Variants in DBX2 observed in about 807,000 individuals in gnomAD.
The protein encoded by DBX2 is homeobox protein DBX2.
Under a neutral mutation model 17.7 loss-of-function variants are expected in DBX2, and 16 were observed. The ratio of observed to expected loss-of-function variants is 0.90; its 90% CI spans 0.61 to 1.37. DBX2 has a LOEUF of 1.37. Ranked by LOEUF, DBX2 falls within the 40% of genes most tolerant of loss-of-function variation. The pLI, the probability that DBX2 is intolerant of heterozygous loss-of-function variation, is 0.00. For synonymous variants in DBX2, 255 were observed against 183.8 expected, an observed-to-expected ratio of 1.39 and a Z score of -3.13; for missense variants, 538 against 433.8, an observed-to-expected ratio of 1.24 and a Z score of -2.13.
At chr12:45,040,167 T>G (rs1055929496) in intron 1 of DBX2, among the ~76,000 whole-genome samples, 2 of 152,090 alleles carry the variant, frequency 1.3e-5, no homozygotes, top group Non-Finnish European at 2.9e-5. Context: ...CCAGTGCAGA[T>G]AGAATATAAA....
chr12:45,026,054 T>A (rs1946379760), intron 2 of DBX2, among the ~76,000 whole-genome samples: 1 of 152,042 alleles, frequency 6.6e-6, no homozygotes. Context: ...AGAATTCTGA[T>A]TTAGTTGTCC....
chr12:45,033,807 ATATT>A (rs1212868725), intron 2 of DBX2, among the ~76,000 whole-genome samples: 1 of 152,192 alleles, frequency 6.6e-6, no homozygotes, highest in East Asian at 1.9e-4. Flanking sequence ...TTCAGCTTCT[ATATT>A]TATTTTTAAG....
intron 3 of DBX2, 83 bp downstream of exon 3, chr12:45,023,624 C>T (rs796987178): frequency 3.5e-5 from 53 of 1,518,648 alleles, no homozygotes; most frequent in South Asian, 7.3e-5. Flanking sequence ...CAGTTGCCTA[C>T]GGCCCACCAC....
chr12:45,050,480 TG>T (rs1167161235), intron 1 of DBX2, 44 bp downstream of exon 1: 2 of 1,541,238 alleles, frequency 1.3e-6, no homozygotes, highest in Admixed American at 4.0e-5. Context: ...CCACCCGGCC[TG>T]GGGGCGCGGG....
chr12:45,023,845 A>T lies in DBX2; in HGVS notation c.549T>A (p.Ala183=), dbSNP rs1347704185. ...CAGCTCTTCTTAAAATGCCCCTCCG[A>T]GCTTTGGAATTAGAGTCCTGTGTCA... ...PLLTQDSNSK[A]RRGILRRAVF... Residue 183 remains alanine, a synonymous_variant, in exon 3 of 4, where the codon GCT becomes GCA. Transcript: ENST00000332700. 1.2e-6 allele frequency: 2 copies of T among 1,603,186 alleles called. No homozygotes were observed. The highest frequency in any genetic ancestry group is 2.7e-5 in the African/African-American group (2 of 74,270).
In DBX2 at chr12:45,050,592, C is replaced by T; in HGVS notation, c.336G>A (p.Ala112=). The stretch of plus-strand genomic sequence containing the variant: ...CCCGGCCCGGCAGCCTCGCACTGTC[C>T]GCAGAGGGACTGAGCACTTGAAAAG... ...RWAFQVLSPS[A]DSARLPGRAP... The change falls in exon 1 of 4, where the codon GCG becomes GCA. Residue 112 remains alanine, a synonymous_variant. Coordinates refer to ENST00000332700, the MANE Select transcript of DBX2 (RefSeq NM_001004329.3). 2 of 1,551,716 alleles carry T rather than the reference C, an allele frequency of 1.3e-6. No homozygotes were observed. Among genetic ancestry groups the T allele is most frequent in the Non-Finnish European group, 8.7e-7 (1 of 1,148,072 alleles).
Position 45,016,544 on chromosome 12 carries a change from A to G in DBX2, c.762T>C (p.Cys254=), listed in dbSNP as rs1442067010. ...CCTCTTGAAGACCTACTTCTTGGAT[A>G]CACCTGTTGGAAAGCACTTCCTTTT... ...SKEKEVLSNR[C]IQEVGLQEDP... is the part of the protein sequence containing the mutation. The change falls in exon 4 of 4, where the codon TGT becomes TGC. Residue 254 remains cysteine, a synonymous_variant. Coordinates refer to ENST00000332700, the MANE Select transcript of DBX2 (RefSeq NM_001004329.3). 6.3e-7 allele frequency: 1 copy of G among 1,594,922 alleles called. No homozygotes were observed. Among genetic ancestry groups the G allele is most frequent in the Non-Finnish European group, 8.5e-7 (1 of 1,173,040 alleles).
At chr12:45,048,399 CT>C (rs1458235547) in intron 1 of DBX2, among the ~76,000 whole-genome samples, 1 of 152,144 alleles carries the variant, frequency 6.6e-6, no homozygotes, top group African/African-American at 2.4e-5. Flanking sequence ...ATGGTATTAT[CT>C]TCCCGAAAAC....
chr12:45,044,869 A>T (rs1278498301), intron 1 of DBX2, among the ~76,000 whole-genome samples: 1 of 152,122 alleles, frequency 6.6e-6, no homozygotes, highest in Non-Finnish European at 1.5e-5. Flanking sequence ...AGAGTGATGG[A>T]TCACTCAGCA....
intron 1 of DBX2, among the ~76,000 whole-genome samples, chr12:45,045,409 T>A (rs772105749): frequency 6.6e-6 from 1 of 152,370 alleles, no homozygotes; most frequent in East Asian, 1.9e-4. Flanking sequence ...TTCATTTTTG[T>A]ATAAACTTTC....
At chr12:45,034,326 C>A (rs150278445) in intron 2 of DBX2, among the ~76,000 whole-genome samples, 1 of 152,072 alleles carries the variant, frequency 6.6e-6, no homozygotes, top group Non-Finnish European at 1.5e-5. Context: ...AATTCCACAG[C>A]GATGCCATCA....
intron 2 of DBX2, among the ~76,000 whole-genome samples, chr12:45,033,474 A>G (rs1946420321): frequency 6.6e-6 from 1 of 152,224 alleles, no homozygotes; most frequent in Admixed American, 6.5e-5. Context: ...GGAGAAAAAA[A>G]GAAAATCTAG....
chr12:45,050,723 C>T lies in DBX2; in HGVS notation c.205G>A (p.Ala69Thr). Residue 69 changes from alanine to threonine, a missense_variant, in exon 1 of 4, where the codon GCG (alanine) becomes ACG (threonine). Ala to Thr is a moderately conservative substitution (Grantham distance 58). Transcript: ENST00000332700. ...PHDPATALAT[A>T]GAQLRPLPAS... ...GGCAGGGGCCGGAGCTGCGCGCCCG[C>T]GGTGGCCAGGGCGGTCGCCGGGTCG... 1 of 1,490,490 alleles carries T rather than the reference C, an allele frequency of 6.7e-7. No individual in the cohort carries two copies. Among genetic ancestry groups the T allele is most frequent in the Non-Finnish European group, 8.9e-7 (1 of 1,123,208 alleles). 92.3% of individuals were successfully genotyped at this position (1,490,490 alleles called of 1,614,324 possible).
chr12:45,032,838 T>C (rs1245322355), intron 2 of DBX2, among the ~76,000 whole-genome samples: 2 of 152,234 alleles, frequency 1.3e-5, no homozygotes, highest in Admixed American at 1.3e-4. Context: ...ATTAATTCAA[T>C]CAGCTAGTTT....
rs1156634037 is a variant in DBX2, at chr12:45,015,638, T to C, written c.*648A>G. ...GAGACTTGGAGATTAAGGATACTAA[T>C]AGTTATATACAGAAATTCTTCTAAT... On this transcript the variant is annotated 3_prime_UTR_variant, in exon 4 of 4. Transcript: ENST00000332700. The C allele has an allele frequency of 6.6e-5, 10 of 152,184 alleles. No individual in the cohort carries two copies. Among genetic ancestry groups the C allele is most frequent in the Admixed American group, 6.5e-4 (10 of 15,276 alleles). 9.4% of individuals were successfully genotyped at this position (152,184 alleles called of 1,614,324 possible). A position where few individuals can be genotyped will look rare whatever the true frequency, so the allele number is the denominator to read the frequency against.
At chr12:45,044,374 A>C (rs972575765) in intron 1 of DBX2, among the ~76,000 whole-genome samples, 3 of 152,164 alleles carry the variant, frequency 2.0e-5, no homozygotes, top group African/African-American at 7.2e-5. Flanking sequence ...TCAAAGAATG[A>C]CTTATTAACT....
chr12:45,039,682 T>C (rs764479048), intron 1 of DBX2, among the ~76,000 whole-genome samples: 8 of 151,988 alleles, frequency 5.3e-5, no homozygotes, highest in Non-Finnish European at 7.4e-5. Flanking sequence ...TCATTAACAT[T>C]CGACACATCT....
rs908232078 is a variant in DBX2, at chr12:45,020,910, C to T, written c.687+2797G>A. Among the ~76,000 whole-genome samples, 4 of 152,068 alleles carry T rather than the reference C, an allele frequency of 2.6e-5. No individual in the cohort carries two copies. In the South Asian group the frequency reaches 8.3e-4, roughly 32 times the overall value. On this transcript the variant is annotated intron_variant, in intron 3 of 3. Coordinates refer to ENST00000332700, the MANE Select transcript of DBX2 (RefSeq NM_001004329.3). ...ATGTGTCAAAAATTCAAACAAGCGC[C>T]ATTTGTAAATGACAGAAGTAACCAA...
At chr12:45,035,055 C>T (rs1359885197) in intron 2 of DBX2, among the ~76,000 whole-genome samples, 1 of 152,254 alleles carries the variant, frequency 6.6e-6, no homozygotes, top group African/African-American at 2.4e-5. Flanking sequence ...GAGCCTGCAG[C>T]TCATTAAACG....
Sources: gnomAD v4.1 joint callset for allele counts (sites outside exome capture counted in the v4.1 genomes callset) on GRCh38, gnomAD v4.1.1 for gene constraint, MANE v1.5 for transcripts, NCBI Gene and HGNC (gene_info 2026-07-23, HGNC 2026-07-21) for gene names.